MALRD1: variants seen among roughly 807,000 people sequenced by gnomAD.
MALRD1 encodes the protein MAM and LDL receptor class A domain containing 1, also known as MAM and LDL-receptor class A domain-containing protein 1.
MALRD1 carries 247 observed loss-of-function variants against 242.1 expected under a neutral mutation model. The ratio of observed to expected loss-of-function variants is 1.02; its 90% CI spans 0.92 to 1.13. The LOEUF (loss-of-function observed/expected upper bound fraction) is 1.13. MALRD1 is among the 50% of genes most tolerant of loss of function. MALRD1 has a pLI of 0.00. For missense variants in MALRD1, 2,989 were observed against 2,533.1 expected, an observed-to-expected ratio of 1.18 and a Z score of -3.86; for synonymous variants, 995 against 866.6, an observed-to-expected ratio of 1.15 and a Z score of -2.60.
chr10:19,349,394 G>A (rs2130988456), intron 25 of MALRD1, among the ~76,000 whole-genome samples: 1 of 152,286 alleles, frequency 6.6e-6, no homozygotes, highest in South Asian at 2.1e-4. Context: ...TTTGTCTTAA[G>A]AGTTTTTCTG....
At chr10:19,232,854 T>C (rs938492243) in intron 18 of MALRD1, among the ~76,000 whole-genome samples, 2 of 152,074 alleles carry the variant, frequency 1.3e-5, no homozygotes, top group African/African-American at 4.8e-5. Flanking sequence ...TCCTAAAAGA[T>C]AGAACAAAAT....
Position 19,104,025 on chromosome 10 carries a change from T to A in MALRD1, c.644T>A (p.Val215Asp). ...QMASTYEQDE[V>D]IAIDDISFSS... ...GCTTCAACGTATGAACAGGATGAAG[T>A]CATTGCTATTGATGATATATCTTTC... is the stretch of plus-strand genomic sequence containing the variant. The change falls in exon 5 of 40, where the codon GTC becomes GAC. Residue 215 changes from valine (V) to aspartate (D), a missense_variant. Coordinates refer to ENST00000454679, the MANE Select transcript of MALRD1 (RefSeq NM_001142308.3). The A allele has an allele frequency of 8.1e-7, 1 of 1,233,860 alleles. No homozygotes were observed. Among genetic ancestry groups the A allele is most frequent in the Non-Finnish European group, 1.0e-6 (1 of 988,098 alleles). 76.4% of individuals were successfully genotyped at this position (1,233,860 alleles called of 1,614,324 possible).
rs866245959 is a variant in MALRD1, at chr10:19,539,895, T to C, written c.5478+8544T>C. Among the ~76,000 whole-genome samples, 503 of 60,596 alleles carry C rather than the reference T, an allele frequency of 8.3e-3. 10 individuals carry two copies. Among genetic ancestry groups the C allele is most frequent in the African/African-American group, 0.028 (476 of 17,290 alleles). 39.8% of individuals were successfully genotyped at this position (60,596 alleles called of 152,430 possible). ...GTGTGTGTGTGTGTGTGTGTGTGTGTGTGCGCGCGCGCGTGCGCGCACACA... is the reference window on the plus strand; with the variant it reads ...GTGTGTGTGTGTGTGTGTGTGTGTGCGTGCGCGCGCGCGTGCGCGCACACA... On this transcript the variant is annotated intron_variant, in intron 32 of 39. Coordinates refer to ENST00000454679, the MANE Select transcript of MALRD1 (RefSeq NM_001142308.3).
At chr10:19,200,042 G>A (rs72786532) in intron 14 of MALRD1, among the ~76,000 whole-genome samples, 8 of 152,078 alleles carry the variant, frequency 5.3e-5, no homozygotes, top group African/African-American at 1.7e-4. Context: ...GTCGGAGAAC[G>A]GCCTGAGCCT....
At chr10:19,136,045 AT>A (rs1249445791) in intron 9 of MALRD1, among the ~76,000 whole-genome samples, 12 of 152,108 alleles carry the variant, frequency 7.9e-5, no homozygotes, top group South Asian at 2.1e-4. Flanking sequence ...ATTCCCTTAC[AT>A]TTTTTTATTC....
At chr10:19,219,867 C>T (rs1837486737) in intron 18 of MALRD1, among the ~76,000 whole-genome samples, 1 of 151,986 alleles carries the variant, frequency 6.6e-6, no homozygotes, top group Non-Finnish European at 1.5e-5. Flanking sequence ...CAGATTTGAT[C>T]AGCAGATATT....
chr10:19,517,669 T>C (rs932603421), intron 31 of MALRD1, among the ~76,000 whole-genome samples: 1 of 152,170 alleles, frequency 6.6e-6, no homozygotes, highest in Non-Finnish European at 1.5e-5. Context: ...ACCTTACCTA[T>C]TGGATCCAGT....
intron 36 of MALRD1, among the ~76,000 whole-genome samples, chr10:19,627,455 GGGCCACGTGCGGT>G (rs1295307263): frequency 6.6e-6 from 1 of 151,746 alleles, no homozygotes; most frequent in Non-Finnish European, 1.5e-5. Context: ...AACAATAACA[GGGCCACGTGCGGT>G]GGCTCACACC....
chr10:19,723,836 A>C (rs1032857737), intron 38 of MALRD1, among the ~76,000 whole-genome samples: 8 of 152,042 alleles, frequency 5.3e-5, no homozygotes, highest in Non-Finnish European at 1.5e-5. Context: ...TTGCAAGAGT[A>C]TTACTCCCGT....
intron 4 of MALRD1, among the ~76,000 whole-genome samples, chr10:19,103,418 G>A (rs1211662886): frequency 5.9e-5 from 9 of 151,686 alleles, no homozygotes; most frequent in South Asian, 2.1e-4. Flanking sequence ...AAAATTAGCC[G>A]GGCGCGGTGG....
chr10:19,358,242 T>C (rs1012839061), intron 26 of MALRD1, among the ~76,000 whole-genome samples: 1 of 135,796 alleles, frequency 7.4e-6, no homozygotes, highest in African/African-American at 2.9e-5. Flanking sequence ...ATGAGTTTAA[T>C]CACCACAGCT....
chr10:19,469,138 G>A (rs1836369973), intron 29 of MALRD1, among the ~76,000 whole-genome samples: 1 of 151,956 alleles, frequency 6.6e-6, no homozygotes, highest in Admixed American at 6.6e-5. Context: ...TTATTCTAAG[G>A]TGAAGACAGT....
intron 36 of MALRD1, among the ~76,000 whole-genome samples, chr10:19,654,187 C>T (rs1841027697): frequency 6.6e-6 from 1 of 152,126 alleles, no homozygotes; most frequent in Admixed American, 6.6e-5. Context: ...AGGAATGATA[C>T]ATCCCCTAGC....
At chr10:19,226,695 TAAG>T (rs1837816078) in intron 18 of MALRD1, among the ~76,000 whole-genome samples, 2 of 151,464 alleles carry the variant, frequency 1.3e-5, no homozygotes, top group African/African-American at 4.8e-5. Context: ...GAAAAGAAAA[TAAG>T]AAATAAGTGA....
intron 25 of MALRD1, among the ~76,000 whole-genome samples, chr10:19,351,673 A>G (rs1844382478): frequency 6.6e-6 from 1 of 152,232 alleles, no homozygotes; most frequent in Non-Finnish European, 1.5e-5. Context: ...TAGCAATTTA[A>G]TGATCTTGTA....
intron 24 of MALRD1, among the ~76,000 whole-genome samples, chr10:19,334,486 G>A (rs1349781801): frequency 1.3e-5 from 2 of 150,686 alleles, no homozygotes; most frequent in African/African-American, 2.4e-5. Context: ...ACTTTGGTTC[G>A]ATCAGTACTA....
chr10:19,613,199 G>T (rs1218747121), intron 35 of MALRD1, among the ~76,000 whole-genome samples: 1 of 151,900 alleles, frequency 6.6e-6, no homozygotes, highest in East Asian at 1.9e-4. Flanking sequence ...GAACAGTGGT[G>T]CTATCTAAAA....
At chr10:19,279,837 A>G (rs143701254) in intron 19 of MALRD1, among the ~76,000 whole-genome samples, 1,863 of 152,294 alleles carry the variant, frequency 0.012, 20 homozygotes, top group Non-Finnish European at 0.017. Context: ...CATCTGTACC[A>G]TCATCATTTG....
chr10:19,502,281 A>G (rs1464742027), intron 31 of MALRD1, among the ~76,000 whole-genome samples: 1 of 152,014 alleles, frequency 6.6e-6, no homozygotes, highest in Non-Finnish European at 1.5e-5. Flanking sequence ...AATAAGCAGA[A>G]AAAACTTTTC....
Sources: gnomAD v4.1 joint callset for allele counts (sites outside exome capture counted in the v4.1 genomes callset) on GRCh38, gnomAD v4.1.1 for gene constraint, MANE v1.5 for transcripts, NCBI Gene and HGNC (gene_info 2026-07-23, HGNC 2026-07-21) for gene names.